The following ALG1 variants were observed in gnomAD, a reference collection of about 807,000 sequenced individuals.
ALG1 encodes the protein ALG1 chitobiosyldiphosphodolichol beta-mannosyltransferase.
ALG1 carries 58 observed loss-of-function variants against 55.1 expected under a neutral mutation model. The ratio of observed to expected loss-of-function variants is 1.05; its 90% CI spans 0.85 to 1.31. The LOEUF (loss-of-function observed/expected upper bound fraction) is 1.31. Among genes scored for constraint, ALG1 ranks in the 50% most tolerant of loss-of-function variants. The probability of loss-of-function intolerance (pLI) is 0.00; values close to 1 mark genes in which losing one functional copy is unlikely to be tolerated. For missense variants in ALG1, 761 were observed against 598.6 expected, an observed-to-expected ratio of 1.27 and a Z score of -2.83; for synonymous variants, 309 against 247.0, an observed-to-expected ratio of 1.25 and a Z score of -2.35.
rs189865385 is a variant in ALG1, at chr16:5,082,721, C to T, written c.1187+48C>T. On this transcript the variant is annotated intron_variant, in intron 11 of 12. Coordinates refer to ENST00000262374, the MANE Select transcript of ALG1 (RefSeq NM_019109.5). ...TCTGGGGATAGCTTTGCAGATCCAC[C>T]GCTGAGGGGGAAGCAGTGCAGAGGG... is the stretch of plus-strand genomic sequence containing the variant. The T allele has an allele frequency of 1.9e-4, 298 of 1,603,190 alleles. No homozygotes were observed. The African/African-American group carries it at 3.0e-3, about 16-fold the overall frequency.
At chr16:5,076,763 C>T (rs1217456742) in intron 4 of ALG1, among the ~76,000 whole-genome samples, 2 of 150,056 alleles carry the variant, frequency 1.3e-5, no homozygotes, top group Non-Finnish European at 3.0e-5. Flanking sequence ...TGGCTGAGAT[C>T]GCTAGTGAGG....
At chr16:5,079,301 C>T (rs1398705042) in intron 8 of ALG1, among the ~76,000 whole-genome samples, 199 bp downstream of exon 8, 1 of 152,206 alleles carries the variant, frequency 6.6e-6, no homozygotes, top group African/African-American at 2.4e-5. Flanking sequence ...GAAATGCCCC[C>T]TCCAGGAGAG....
intron 3 of ALG1, among the ~76,000 whole-genome samples, chr16:5,074,129 A>C (rs1334652851): frequency 6.6e-6 from 1 of 151,844 alleles, no homozygotes; most frequent in Non-Finnish European, 1.5e-5. Flanking sequence ...AATATATAGA[A>C]GCACCTTCCT....
At chr16:5,078,114 T>A in intron 6 of ALG1, 97 bp downstream of exon 6, 1 of 1,387,594 alleles carries the variant, frequency 7.2e-7, no homozygotes, top group Non-Finnish European at 1.0e-6. Flanking sequence ...CATCCAGGGG[T>A]TGGCAAACTA....
intron 3 of ALG1, chr16:5,073,503 C>A: frequency 3.6e-6 from 2 of 556,450 alleles, no homozygotes; most frequent in South Asian, 4.1e-5. Context: ...TCATTTAGTC[C>A]TCACAGTTAC....
chr16:5,081,110 G>GGCAACTGGGGGGGGGGC, intron 10 of ALG1, 54 bp downstream of exon 10: 1 of 519,954 alleles, frequency 1.9e-6, no homozygotes, highest in Non-Finnish European at 3.5e-6. Flanking sequence ...GGGTGGGCGG[G>GGCAACTGGGGGGGGGGC]ATGTACTTTT....
chr16:5,075,916 T>A (rs1341443743), intron 4 of ALG1, among the ~76,000 whole-genome samples: 1 of 152,204 alleles, frequency 6.6e-6, no homozygotes, highest in East Asian at 1.9e-4. Flanking sequence ...GTTACCTGCC[T>A]TCCTCTGATC....
In ALG1 at chr16:5,073,183, A is replaced by C; in HGVS notation, c.317A>C (p.Lys106Thr). The change falls in exon 3 of 13, where the codon AAA (lysine) becomes ACA (threonine). Residue 106 changes from lysine (K) to threonine (T), a missense_variant. Physicochemically the swap from Lys to Thr is moderately conservative, Grantham distance 78 (BLOSUM62 -1). Coordinates refer to ENST00000262374, the MANE Select transcript of ALG1 (RefSeq NM_019109.5). ...VGPRVFQYGV[K>T]VVLQAMYLLW... ...CCCCGAGTTTTCCAGTACGGAGTCA[A>C]AGTTGTACTTCAGGCTATGTACTTG... 6.2e-7 allele frequency: 1 copy of C among 1,614,128 alleles called. No individual in the cohort carries two copies. Among genetic ancestry groups the C allele is most frequent in the Non-Finnish European group, 8.5e-7 (1 of 1,180,030 alleles).
chr16:5,077,414 G>A, intron 4 of ALG1, 31 bp from the exon 5 acceptor site: 1 of 1,594,392 alleles, frequency 6.3e-7, no homozygotes. Flanking sequence ...GCCTGTCTAG[G>A]GCTCTGCTGA....
intron 4 of ALG1, among the ~76,000 whole-genome samples, chr16:5,076,241 G>A (rs1055687694): frequency 1.3e-5 from 2 of 152,244 alleles, no homozygotes; most frequent in Non-Finnish European, 2.9e-5. Context: ...TCCAGCTGCT[G>A]CGTGTACTTC....
chr16:5,084,302 G>A lies in ALG1; in HGVS notation c.1264-448G>A. 2.0e-5 allele frequency: 7 copies of A among 347,512 alleles called. 1 individual carries two copies. The highest frequency in any genetic ancestry group is 1.5e-4 in the South Asian group (6 of 38,828). The allele number at this position is 347,512 out of a possible 1,614,324, so 21.5% of individuals were successfully genotyped here. A position where few individuals can be genotyped will look rare whatever the true frequency, so the allele number is the denominator to read the frequency against. On this transcript the variant is annotated intron_variant, in intron 12 of 12. Transcript: ENST00000262374. ...GATCATCTGTAGATTAAGGGGTGTG[G>A]CTTTGTTCCAATAAAACTTTATTTA...
At position 5,077,480 on chromosome 16, in the gene ALG1, A is replaced by G. The variant is rs760563077; in HGVS notation, c.575A>G (p.Asn192Ser). ...TTCTTTGGGCGCCTGTCCCACCTGA[A>G]CCTGTGTGTTACCAATGCTATGCGA... The part of the protein sequence containing the change: ...EKFFGRLSHL[N>S]LCVTNAMRED... Residue 192 changes from asparagine (N) to serine (S), a missense_variant, in exon 5 of 13, where the codon AAC (asparagine) becomes AGC (serine). Physicochemically the swap from Asn to Ser is conservative, Grantham distance 46. Transcript: ENST00000262374. The G allele has an allele frequency of 2.4e-5, 39 of 1,613,944 alleles. No homozygotes were observed. The highest frequency in any genetic ancestry group is 3.3e-4 in the Middle Eastern group (2 of 6,084).
chr16:5,083,964 C>CA lies in ALG1; in HGVS notation c.1263+208dup, dbSNP rs111566454. The stretch of plus-strand genomic sequence containing the variant: ...GCTCGGGAAAGTTAAGACACACCCC[C>CA]ACCTGCCCTCTGGATTTATGGAGCT... On this transcript the variant is annotated intron_variant, in intron 12 of 12. Coordinates refer to ENST00000262374, the MANE Select transcript of ALG1 (RefSeq NM_019109.5). Among the ~76,000 whole-genome samples, 1,217 of 152,270 alleles carry CA rather than the reference C, an allele frequency of 8.0e-3. 25 individuals carry two copies. The highest frequency in any genetic ancestry group is 0.027 in the African/African-American group (1,124 of 41,538).
At chr16:5,080,409 A>G (rs1054643986) in intron 9 of ALG1, among the ~76,000 whole-genome samples, 1 of 152,174 alleles carries the variant, frequency 6.6e-6, no homozygotes, top group African/African-American at 2.4e-5. Context: ...TTCAAACGGA[A>G]GAGCCCCTGT....
chr16:5,080,932 T>C lies in ALG1; in HGVS notation c.962-14T>C. The C allele has an allele frequency of 1.3e-6, 2 of 1,595,928 alleles. No homozygotes were observed. Among genetic ancestry groups the C allele is most frequent in the South Asian group, 1.1e-5 (1 of 90,982 alleles). Reference sequence around the variant, plus strand: ...GAGATGGGTCCATGGCAGTGTCTGCTCTTCTCTGTGAAGGCAAAGGGCCTC... The same window carrying C: ...GAGATGGGTCCATGGCAGTGTCTGCCCTTCTCTGTGAAGGCAAAGGGCCTC... On this transcript the variant is annotated splice_polypyrimidine_tract_variant and intron_variant, in intron 9 of 12. Transcript: ENST00000262374.
chr16:5,083,876 G>A (rs925088281), intron 12 of ALG1, 119 bp downstream of exon 12: 2 of 1,464,916 alleles, frequency 1.4e-6, no homozygotes, highest in African/African-American at 2.8e-5. Context: ...TGGCGGAAAA[G>A]CTAGGGAGGG....
chr16:5,084,983 C>T lies in ALG1; in HGVS notation c.*102C>T. The stretch of plus-strand genomic sequence containing the variant: ...CCTTTCGAGCAGCACCTCCCAGTGG[C>T]CAGAAGCTGAAATGACAGCAGTGGT... On this transcript the variant is annotated 3_prime_UTR_variant, in exon 13 of 13. Coordinates refer to ENST00000262374, the MANE Select transcript of ALG1 (RefSeq NM_019109.5). 2 of 1,580,360 alleles carry T rather than the reference C, an allele frequency of 1.3e-6. No individual in the cohort carries two copies. The highest frequency in any genetic ancestry group is 1.7e-6 in the Non-Finnish European group (2 of 1,165,650).
intron 4 of ALG1, 33 bp from the exon 5 acceptor site, chr16:5,077,412 A>G (rs1038987111): frequency 1.3e-6 from 2 of 1,588,788 alleles, no homozygotes; most frequent in Non-Finnish European, 1.7e-6. Context: ...AGGCCTGTCT[A>G]GGGCTCTGCT....
At chr16:5,074,444 C>T (rs1452199686) in intron 3 of ALG1, among the ~76,000 whole-genome samples, 1 of 152,118 alleles carries the variant, frequency 6.6e-6, no homozygotes, top group African/African-American at 2.4e-5. Flanking sequence ...ACCATCGTGA[C>T]CCACACCTTC....
Sources: gnomAD v4.1 joint callset for allele counts (sites outside exome capture counted in the v4.1 genomes callset) on GRCh38, gnomAD v4.1.1 for gene constraint, MANE v1.5 for transcripts, NCBI Gene and HGNC (gene_info 2026-07-23, HGNC 2026-07-21) for gene names.